Variants in DLG3 observed in about 807,000 individuals in gnomAD.
DLG3 encodes disks large homolog 3.
A neutral mutation model predicts 64.1 loss-of-function variants in DLG3; 1 was observed. That is an observed-to-expected ratio of 0.02 (90% CI 0.01 to 0.07). DLG3 has a LOEUF of 0.07. Ranked by LOEUF, DLG3 falls within the 10% of genes least tolerant of loss-of-function variation. The probability of loss-of-function intolerance (pLI) is 1.00; values close to 1 mark genes in which losing one functional copy is unlikely to be tolerated. For missense variants in DLG3, 429 were observed against 669.5 expected (o/e 0.64, Z 3.96); for synonymous variants, 245 against 259.8 (o/e 0.94, Z 0.55).
intron 16 of DLG3, 102 bp from the exon 17 acceptor site, chrX:70,500,369 C>T (rs2087532983): frequency 2.8e-6 from 2 of 708,807 alleles, no homozygotes; most frequent in Non-Finnish European, 4.4e-6. Context: ...CTCCCCTCAC[C>T]CCCACCCCCG....
rs776898687 is a variant in DLG3 at position 70,452,606 on chromosome X, G to A, written c.1145+580G>A. On this transcript the variant is annotated intron_variant, in intron 7 of 18. Transcript: ENST00000374360. ...GAGCCGGAAGGGTAGGCAGCCAGGGGAGAGAGAGAGGAGCTATGGAGAGGG... is the reference window on the plus strand; with the variant it reads ...GAGCCGGAAGGGTAGGCAGCCAGGGAAGAGAGAGAGGAGCTATGGAGAGGG... 16 of 1,168,686 alleles carry A rather than the reference G, an allele frequency of 1.4e-5. No individual in the cohort carries two copies. In the South Asian group the frequency reaches 2.8e-4, roughly 21 times the overall value.
intron 1 of DLG3, among the ~76,000 whole-genome samples, chrX:70,446,134 C>T (rs986949392): frequency 3.6e-5 from 4 of 110,959 alleles, no homozygotes; most frequent in Non-Finnish European, 3.8e-5. Flanking sequence ...GTGGAGATGT[C>T]ACTCTGAATG....
chrX:70,486,554 G>A (rs112055015), intron 10 of DLG3, among the ~76,000 whole-genome samples: 155 of 111,890 alleles, frequency 1.4e-3, no homozygotes, highest in African/African-American at 4.7e-3. Flanking sequence ...ATGCATGTGC[G>A]CATGTGCACA....
intron 9 of DLG3, chrX:70,454,988 C>T: frequency 1.3e-6 from 1 of 746,944 alleles, no homozygotes; most frequent in Non-Finnish European, 1.6e-6. Context: ...GGAAGGCGCG[C>T]CCTAGCCTGC....
At chrX:70,451,117 G>C in intron 6 of DLG3, 1 of 278,717 alleles carries the variant, frequency 3.6e-6, no homozygotes, top group South Asian at 6.1e-5. Flanking sequence ...TTGTTTGTTT[G>C]TTTGAGACGG....
intron 9 of DLG3, among the ~76,000 whole-genome samples, chrX:70,468,904 A>G (rs1280494724): frequency 8.9e-6 from 1 of 111,791 alleles, no homozygotes; most frequent in Non-Finnish European, 1.9e-5. Context: ...ATAAAATCAT[A>G]ATGATGTCAT....
chrX:70,479,873 G>T (rs1484986179), intron 10 of DLG3, among the ~76,000 whole-genome samples: 1 of 111,343 alleles, frequency 9.0e-6, no homozygotes. Context: ...GGAGTATATT[G>T]CTGCTGAAAG....
rs752984579 is a variant in DLG3, at chrX:70,505,100, C to T, written c.*2831C>T. 8.9e-6 allele frequency: 1 copy of T among 112,565 alleles called. No individual in the cohort carries two copies. The highest frequency in any genetic ancestry group is 1.9e-5 in the Non-Finnish European group (1 of 53,329). The allele number at this position is 112,565 out of a possible 1,213,427, so 9.3% of individuals were successfully genotyped here. ...TCTCATTTGCTTGAAGGCAGCCTAA[C>T]AAAAGGGAGTCCCCAAAGAGCTCCA... is the stretch of plus-strand genomic sequence containing the variant. On this transcript the variant is annotated 3_prime_UTR_variant, in exon 19 of 19. Transcript: ENST00000374360.
At chrX:70,474,689 C>A (rs1309557776) in intron 9 of DLG3, among the ~76,000 whole-genome samples, 1 of 111,553 alleles carries the variant, frequency 9.0e-6, no homozygotes, top group African/African-American at 3.3e-5. Flanking sequence ...ACCTGGAGAA[C>A]CAGCAACTCC....
chrX:70,486,169 T>G lies in DLG3; in HGVS notation c.1521-5938T>G, dbSNP rs142980479. 7.1e-3 allele frequency among the ~76,000 whole-genome samples: 795 copies of G among 111,534 alleles called. 4 individuals are homozygous for G. Among genetic ancestry groups the G allele is most frequent in the African/African-American group, 0.025 (765 of 30,679 alleles). ...CACATTTTCCCTGGGCTACACTCTT[T>G]CCCTTGCTCTTAAAGAATGTAATAT... On this transcript the variant is annotated intron_variant, in intron 10 of 18. Transcript: ENST00000374360.
At chrX:70,455,882 G>A (rs1354838354) in intron 9 of DLG3, 1 of 111,521 alleles carries the variant, frequency 9.0e-6, no homozygotes. Flanking sequence ...CTCTATTTCC[G>A]CGATGAGAGG....
chrX:70,498,084 G>T (rs1365217131), intron 13 of DLG3, among the ~76,000 whole-genome samples: 1 of 111,933 alleles, frequency 8.9e-6, no homozygotes. Context: ...AAAGGGCAAA[G>T]TTAGGCTGCT....
chrX:70,481,619 G>C (rs1193259266), intron 10 of DLG3, among the ~76,000 whole-genome samples: 2 of 112,148 alleles, frequency 1.8e-5, no homozygotes, highest in Non-Finnish European at 3.8e-5. Flanking sequence ...AGCCCGAAAG[G>C]AAGCGTGCAT....
At chrX:70,475,727 C>A (rs2087043480) in intron 9 of DLG3, among the ~76,000 whole-genome samples, 1 of 112,239 alleles carries the variant, frequency 8.9e-6, no homozygotes, top group Admixed American at 9.4e-5. Context: ...ACTAAAAATA[C>A]CAACAGTGGT....
At chrX:70,497,339 T>C in intron 13 of DLG3, 1 of 749,873 alleles carries the variant, frequency 1.3e-6, no homozygotes. Flanking sequence ...TTTAGCCATG[T>C]ACACTTTGAG....
intron 7 of DLG3, 123 bp from the exon 8 acceptor site, chrX:70,453,514 A>G (rs933954034): frequency 9.7e-7 from 1 of 1,029,612 alleles, no homozygotes; most frequent in East Asian, 3.4e-5. Context: ...GGCTCAGGGT[A>G]TCATACATAG....
At chrX:70,487,467 C>A (rs904459058) in intron 10 of DLG3, among the ~76,000 whole-genome samples, 9 of 111,934 alleles carry the variant, frequency 8.0e-5, no homozygotes, top group Admixed American at 2.8e-4. Flanking sequence ...CTTGTAGCTT[C>A]CCCAAACTAG....
At chrX:70,501,409 C>CTGTGTGTGTGTGTGTGTGTG (rs796396273) in intron 18 of DLG3, among the ~76,000 whole-genome samples, 117 of 75,149 alleles carry the variant, frequency 1.6e-3, no homozygotes, top group Non-Finnish European at 1.9e-3. Flanking sequence ...GTCTGTCTGT[C>CTGTGTGTGTGTGTGTGTGTG]TGTCTGTGTG....
At position 70,472,486 on chromosome X, in the gene DLG3, C is replaced by T. The variant is rs529655750; in HGVS notation, c.1406-6664C>T. Among the ~76,000 whole-genome samples the T allele has an allele frequency of 3.7e-4, 40 of 108,695 alleles. No individual in the cohort carries two copies. The South Asian group carries it at 0.016, about 43-fold the overall frequency. The allele number at this position is 108,695 out of a possible 115,157, so 94.4% of individuals were successfully genotyped here. A position where few individuals can be genotyped will look rare whatever the true frequency, so the allele number is the denominator to read the frequency against. On this transcript the variant is annotated intron_variant, in intron 9 of 18. Coordinates refer to ENST00000374360, the MANE Select transcript of DLG3 (RefSeq NM_021120.4). ...ACAAGAATTCCTTGAACCTGGGAGG[C>T]GGAGCTTGCAGTGAGCCGAGATCAC...
Sources: gnomAD v4.1 joint callset for allele counts (sites outside exome capture counted in the v4.1 genomes callset) on GRCh38, gnomAD v4.1.1 for gene constraint, MANE v1.5 for transcripts, NCBI Gene and HGNC (gene_info 2026-07-23, HGNC 2026-07-21) for gene names.